Variants in ARID1A observed in about 807,000 individuals in gnomAD.
ARID1A encodes the protein AT-rich interaction domain 1A.
A neutral mutation model predicts 212.6 loss-of-function variants in ARID1A; 20 were observed. The observed-to-expected ratio is 0.09, with a 90% CI of 0.07 to 0.14. ARID1A has a LOEUF of 0.14. ARID1A is among the 10% of genes least tolerant of loss of function. The pLI is 1.00. For missense variants in ARID1A, 2,587 were observed against 3,059.0 expected (o/e 0.85, Z 3.64); for synonymous variants, 1,376 against 1,222.1 (o/e 1.13, Z -2.63).
Position 26,697,300 on chromosome 1 carries a change from C to T in ARID1A, c.897C>T (p.Leu299=), listed in dbSNP as rs1350098756. ...PTATPTLNQL[L]TSPSSARGYQ... The stretch of plus-strand genomic sequence containing the variant: ...CCACCCCCACCCTCAACCAACTGCT[C>T]ACGTCGCCCAGCTCGGCCCGGGGCT... The change falls in exon 1 of 20, where the codon CTC becomes CTT. Residue 299 remains leucine (L), a synonymous_variant. Transcript: ENST00000324856. 16 of 1,353,486 alleles carry T rather than the reference C, an allele frequency of 1.2e-5. No individual in the cohort carries two copies. Among genetic ancestry groups the T allele is most frequent in the Admixed American group, 3.7e-5 (1 of 26,760 alleles). The allele number at this position is 1,353,486 out of a possible 1,614,324, so 83.8% of individuals were successfully genotyped here. A position where few individuals can be genotyped will look rare whatever the true frequency, so the allele number is the denominator to read the frequency against.
At chr1:26,742,373 T>TTAGTCAACG (rs1336498274) in intron 4 of ARID1A, among the ~76,000 whole-genome samples, 1 of 152,162 alleles carries the variant, frequency 6.6e-6, no homozygotes, top group Admixed American at 6.5e-5. Context: ...AGTGAACCGT[T>TTAGTCAACG]GACTAGAGTT....
intron 4 of ARID1A, among the ~76,000 whole-genome samples, chr1:26,757,424 A>G (rs2080950591): frequency 1.3e-5 from 2 of 149,802 alleles, no homozygotes; most frequent in Non-Finnish European, 3.0e-5. Flanking sequence ...GAGCCGCGAT[A>G]GCGCCACTGC....
chr1:26,700,054 C>G (rs1343152323), intron 1 of ARID1A, among the ~76,000 whole-genome samples: 4 of 152,214 alleles, frequency 2.6e-5, no homozygotes, highest in Admixed American at 1.3e-4. Context: ...GCTCAGTTGT[C>G]TACTCCCCAG....
At chr1:26,750,824 G>C (rs2080877707) in intron 4 of ARID1A, among the ~76,000 whole-genome samples, 1 of 151,886 alleles carries the variant, frequency 6.6e-6, no homozygotes, top group Non-Finnish European at 1.5e-5. Flanking sequence ...TACACATTAA[G>C]TACCCTACAG....
chr1:26,722,695 TGAAG>T (rs1327023355), intron 1 of ARID1A, among the ~76,000 whole-genome samples: 4 of 152,214 alleles, frequency 2.6e-5, no homozygotes, highest in South Asian at 4.1e-4. Context: ...TGAACTAGAA[TGAAG>T]GAATTGTGAA....
At chr1:26,704,349 C>T (rs973027644) in intron 1 of ARID1A, among the ~76,000 whole-genome samples, 3 of 152,134 alleles carry the variant, frequency 2.0e-5, no homozygotes, top group Admixed American at 1.3e-4. Flanking sequence ...GGTGGTTCAA[C>T]TTTGTTGGTG....
At chr1:26,761,248 T>G (rs1456775725) in intron 5 of ARID1A, 136 bp from the exon 6 acceptor site, 3 of 1,453,308 alleles carry the variant, frequency 2.1e-6, no homozygotes, top group Non-Finnish European at 2.8e-6. Flanking sequence ...TGGAACCTGT[T>G]GGCTGGATCT....
intron 1 of ARID1A, among the ~76,000 whole-genome samples, chr1:26,702,004 G>A (rs928099177): frequency 6.6e-6 from 1 of 152,176 alleles, no homozygotes; most frequent in Non-Finnish European, 1.5e-5. Flanking sequence ...GTTGGGGTGA[G>A]GAATGGATAT....
At chr1:26,703,020 A>G (rs997767042) in intron 1 of ARID1A, among the ~76,000 whole-genome samples, 10 of 152,198 alleles carry the variant, frequency 6.6e-5, no homozygotes, top group African/African-American at 2.2e-4. Context: ...AGATACTGCA[A>G]CTTGAGTGTG....
rs143513796 is a variant in ARID1A, at chr1:26,723,204, G to A, written c.1138-6447G>A. Reference sequence around the variant, plus strand: ...GGGTACATAGGGTGATTTTTTTGGTGGAAGCCTAGTCTGTCCTAAGATATT... The same window carrying A: ...GGGTACATAGGGTGATTTTTTTGGTAGAAGCCTAGTCTGTCCTAAGATATT... On this transcript the variant is annotated intron_variant, in intron 1 of 19. Coordinates refer to ENST00000324856, the MANE Select transcript of ARID1A (RefSeq NM_006015.6). Among the ~76,000 whole-genome samples the A allele has an allele frequency of 3.6e-3, 547 of 152,248 alleles. 3 individuals are homozygous for A. The highest frequency in any genetic ancestry group is 0.013 in the African/African-American group (522 of 41,548).
At chr1:26,706,038 A>G (rs2080388832) in intron 1 of ARID1A, among the ~76,000 whole-genome samples, 1 of 152,216 alleles carries the variant, frequency 6.6e-6, no homozygotes, top group Non-Finnish European at 1.5e-5. Flanking sequence ...GTCACCCTCC[A>G]GGAAGTTATG....
At chr1:26,741,706 G>A (rs757595145) in intron 4 of ARID1A, among the ~76,000 whole-genome samples, 89 of 152,308 alleles carry the variant, frequency 5.8e-4, no homozygotes, top group Non-Finnish European at 1.0e-4. Context: ...AGGAGTGAAT[G>A]TTATCGATAT....
At chr1:26,776,875 A>G (rs757342257) in intron 19 of ARID1A, among the ~76,000 whole-genome samples, 1 of 152,198 alleles carries the variant, frequency 6.6e-6, no homozygotes, top group Admixed American at 6.5e-5. Flanking sequence ...GTTGAGGTTC[A>G]CATAGCTGTC....
At chr1:26,758,746 C>T (rs1006352035) in intron 4 of ARID1A, among the ~76,000 whole-genome samples, 9 of 152,154 alleles carry the variant, frequency 5.9e-5, no homozygotes, top group African/African-American at 1.9e-4. Flanking sequence ...TTGCTGTTAC[C>T]TTGTGGTTGG....
chr1:26,724,585 C>G (rs565871463), intron 1 of ARID1A, among the ~76,000 whole-genome samples: 1 of 152,300 alleles, frequency 6.6e-6, no homozygotes, highest in Non-Finnish European at 1.5e-5. Context: ...CTATTTTAAT[C>G]TGTGAGTTTC....
At chr1:26,707,108 A>G (rs1052759937) in intron 1 of ARID1A, among the ~76,000 whole-genome samples, 1 of 150,498 alleles carries the variant, frequency 6.6e-6, no homozygotes, top group Non-Finnish European at 1.5e-5. Flanking sequence ...ATTTCAGCTC[A>G]CTGCAGTCTC....
intron 4 of ARID1A, among the ~76,000 whole-genome samples, chr1:26,751,402 A>G (rs2124018963): frequency 1.3e-5 from 2 of 152,272 alleles, no homozygotes; most frequent in Admixed American, 1.3e-4. Flanking sequence ...ATGTCTGGTG[A>G]TATAGGTTGT....
At chr1:26,754,110 C>T (rs1013116117) in intron 4 of ARID1A, among the ~76,000 whole-genome samples, 10 of 152,138 alleles carry the variant, frequency 6.6e-5, no homozygotes, top group African/African-American at 2.2e-4. Context: ...CCTGGCCCGA[C>T]TGAACTTTTT....
At chr1:26,738,908 G>C (rs2080760796) in intron 4 of ARID1A, among the ~76,000 whole-genome samples, 1 of 129,384 alleles carries the variant, frequency 7.7e-6, no homozygotes, top group Non-Finnish European at 1.6e-5. Context: ...CAGAGTCTCT[G>C]TTGCCCAGGC....
Sources: gnomAD v4.1 joint callset for allele counts (sites outside exome capture counted in the v4.1 genomes callset) on GRCh38, gnomAD v4.1.1 for gene constraint, MANE v1.5 for transcripts, NCBI Gene and HGNC (gene_info 2026-07-23, HGNC 2026-07-21) for gene names.